Variants in MANBAL observed in about 807,000 individuals in gnomAD.
MANBAL encodes mannosidase beta like, also known as protein MANBAL.
Under a neutral mutation model 6.4 loss-of-function variants are expected in MANBAL, and 1 was observed. That is an observed-to-expected ratio of 0.16 (90% CI 0.06 to 0.74). The LOEUF (loss-of-function observed/expected upper bound fraction) is 0.74, where lower values mean the gene tolerates loss of function less well. Among genes scored for constraint, MANBAL ranks in the 30% least tolerant of loss-of-function variants. The probability of loss-of-function intolerance (pLI) is 0.78; values close to 1 mark genes in which losing one functional copy is unlikely to be tolerated. For synonymous variants in MANBAL, 47 were observed against 45.8 expected (o/e 1.03, Z -0.10); for missense variants, 100 against 107.8 (o/e 0.93, Z 0.32).
Position 37,304,297 on chromosome 20 carries a change from TTTG to T in MANBAL, c.150+2890_150+2892del, listed in dbSNP as rs1296542086. 4.6e-5 allele frequency among the ~76,000 whole-genome samples: 7 copies of T among 152,224 alleles called. No individual in the cohort carries two copies. The South Asian group carries it at 1.2e-3, about 27-fold the overall frequency. The stretch of plus-strand genomic sequence containing the variant: ...AGAGATTTTTAAAATTTTGATTTAA[TTTG>T]TTGTTTTAATTATATAAAACATTTA... On this transcript the variant is annotated intron_variant, in intron 2 of 2. Coordinates refer to ENST00000373606, the MANE Select transcript of MANBAL (RefSeq NM_001003897.2).
At chr20:37,310,834 C>T (rs2069369666) in intron 2 of MANBAL, among the ~76,000 whole-genome samples, 1 of 152,132 alleles carries the variant, frequency 6.6e-6, no homozygotes, top group Non-Finnish European at 1.5e-5. Context: ...TGAGAGGAGG[C>T]GCAGTGCTCC....
intron 2 of MANBAL, among the ~76,000 whole-genome samples, chr20:37,310,091 G>A (rs942638987): frequency 1.3e-5 from 2 of 152,154 alleles, no homozygotes; most frequent in Non-Finnish European, 2.9e-5. Flanking sequence ...CAGTGGGGAG[G>A]GCCAGCATAG....
Position 37,316,621 on chromosome 20 carries a change from G to A in MANBAL, c.*206G>A, listed in dbSNP as rs1372890011. 4 of 472,634 alleles carry A rather than the reference G, an allele frequency of 8.5e-6. No homozygotes were observed. The highest frequency in any genetic ancestry group is 2.5e-5 in the South Asian group (1 of 40,252). The allele number at this position is 472,634 out of a possible 1,614,324, so 29.3% of individuals were successfully genotyped here. A position where few individuals can be genotyped will look rare whatever the true frequency, so the allele number is the denominator to read the frequency against. On this transcript the variant is annotated 3_prime_UTR_variant, in exon 3 of 3. Transcript: ENST00000373606. ...TTCCTCTTCCTTCTGCTTCTGTGAC[G>A]GTTTAGAGTCAAGGGGGCTGAAACA...
intron 2 of MANBAL, among the ~76,000 whole-genome samples, chr20:37,311,264 T>A (rs942182509): frequency 7.2e-5 from 11 of 151,980 alleles, no homozygotes; most frequent in Non-Finnish European, 1.3e-4. Context: ...GGGAGCAGAG[T>A]ACTGGGAGAC....
chr20:37,315,238 T>C (rs368833449), intron 2 of MANBAL, among the ~76,000 whole-genome samples: 1 of 152,310 alleles, frequency 6.6e-6, no homozygotes, highest in East Asian at 1.9e-4. Flanking sequence ...CCCAATTGGC[T>C]TAAATTTTTA....
intron 1 of MANBAL, among the ~76,000 whole-genome samples, chr20:37,299,469 A>G (rs1253187641): frequency 6.6e-6 from 1 of 152,260 alleles, no homozygotes; most frequent in Non-Finnish European, 1.5e-5. Flanking sequence ...TGTAATTAGC[A>G]TCTCAATTCA....
At chr20:37,312,432 C>T (rs1165168375) in intron 2 of MANBAL, among the ~76,000 whole-genome samples, 3 of 152,154 alleles carry the variant, frequency 2.0e-5, no homozygotes, top group Non-Finnish European at 4.4e-5. Flanking sequence ...CTGGGAGAGG[C>T]TGGACCGTGT....
intron 2 of MANBAL, among the ~76,000 whole-genome samples, chr20:37,312,363 G>A (rs1200086792): frequency 6.6e-6 from 1 of 152,278 alleles, no homozygotes; most frequent in Non-Finnish European, 1.5e-5. Flanking sequence ...TAAGTAGAGA[G>A]TAGATTTCAT....
intron 1 of MANBAL, among the ~76,000 whole-genome samples, chr20:37,299,839 G>A (rs904630130): frequency 5.9e-5 from 9 of 152,210 alleles, no homozygotes; most frequent in African/African-American, 1.9e-4. Context: ...TGCAGCTTGG[G>A]CAGAGGCCCA....
At chr20:37,293,372 G>T (rs199977676) in intron 1 of MANBAL, among the ~76,000 whole-genome samples, 6 of 152,278 alleles carry the variant, frequency 3.9e-5, no homozygotes, top group African/African-American at 1.2e-4. Context: ...GGAGCACACA[G>T]CCTAGATCCC....
intron 1 of MANBAL, among the ~76,000 whole-genome samples, chr20:37,300,578 T>G (rs566383333): frequency 7.9e-5 from 12 of 152,324 alleles, no homozygotes; most frequent in South Asian, 4.1e-4. Flanking sequence ...AAATATTTGT[T>G]GAATGGATGA....
intron 2 of MANBAL, among the ~76,000 whole-genome samples, chr20:37,315,540 T>G (rs1419028562): frequency 6.6e-6 from 1 of 152,258 alleles, no homozygotes; most frequent in Non-Finnish European, 1.5e-5. Flanking sequence ...TTTCAACCTT[T>G]CGTTCCTTAG....
chr20:37,312,087 G>A (rs914996693), intron 2 of MANBAL, among the ~76,000 whole-genome samples: 6 of 152,154 alleles, frequency 3.9e-5, no homozygotes, highest in Admixed American at 1.3e-4. Context: ...TAAAAGCTGA[G>A]GTAGGGAAGA....
chr20:37,309,974 C>T (rs2069344873), intron 2 of MANBAL, among the ~76,000 whole-genome samples: 1 of 152,054 alleles, frequency 6.6e-6, no homozygotes, highest in African/African-American at 2.4e-5. Context: ...GGAGAGATTG[C>T]CGTGTGATGA....
chr20:37,296,765 T>G (rs770297220), intron 1 of MANBAL: 10 of 152,226 alleles, frequency 6.6e-5, no homozygotes, highest in Non-Finnish European at 1.3e-4. Context: ...TTTGTCTAAT[T>G]GCCATTTTTT....
intron 2 of MANBAL, among the ~76,000 whole-genome samples, chr20:37,311,486 T>C (rs1265909375): frequency 6.6e-6 from 1 of 152,102 alleles, no homozygotes; most frequent in Non-Finnish European, 1.5e-5. Flanking sequence ...GTTTGTTTGT[T>C]TTTGTTTTGA....
intron 2 of MANBAL, among the ~76,000 whole-genome samples, chr20:37,315,122 G>A (rs1337494621): frequency 2.6e-5 from 4 of 152,224 alleles, no homozygotes; most frequent in Admixed American, 2.6e-4. Context: ...ACCTGAAAAG[G>A]GGCAGCGCCT....
rs11906533 is a variant in MANBAL at position 37,310,547 on chromosome 20, T to G, written c.151-5761T>G. Among the ~76,000 whole-genome samples, 361 of 152,366 alleles carry G rather than the reference T, an allele frequency of 2.4e-3. 3 individuals are homozygous for G. The highest frequency in any genetic ancestry group is 8.3e-3 in the African/African-American group (347 of 41,584). On this transcript the variant is annotated intron_variant, in intron 2 of 2. Transcript: ENST00000373606. Reference sequence around the variant, plus strand: ...CGTAGAATGACATTTTGTCCTGATTTACAGGACTAAATCCACATTGAACTG... The same window carrying G: ...CGTAGAATGACATTTTGTCCTGATTGACAGGACTAAATCCACATTGAACTG...
intron 1 of MANBAL, among the ~76,000 whole-genome samples, chr20:37,291,363 T>G (rs953384455): frequency 6.6e-6 from 1 of 152,200 alleles, no homozygotes. Flanking sequence ...CCTTAGTTTT[T>G]CCCTAATGTC....
Sources: allele counts gnomAD v4.1 joint callset (sites outside exome capture counted in the v4.1 genomes callset), GRCh38; gene constraint gnomAD v4.1.1; transcripts MANE v1.5; gene names NCBI Gene and HGNC (gene_info 2026-07-23, HGNC 2026-07-21).